Variants in B3GALT1 observed in about 807,000 individuals in gnomAD.
B3GALT1 encodes beta-1,3-galactosyltransferase 1, also known as UDP-Gal:betaGlcNAc beta 1,3-galactosyltransferase, polypeptide 1.
A neutral mutation model predicts 23.2 loss-of-function variants in B3GALT1; 10 were observed. That is an observed-to-expected ratio of 0.43 (90% CI 0.27 to 0.73). The LOEUF is 0.73. Among genes scored for constraint, B3GALT1 ranks in the 30% least tolerant of loss-of-function variants. The pLI is 0.21. For synonymous variants in B3GALT1, 156 were observed against 141.5 expected (o/e 1.10, Z -0.73); for missense variants, 299 against 405.4 (o/e 0.74, Z 2.25).
chr2:167,418,778 C>T (rs1471980861), intron 1 of B3GALT1, among the ~76,000 whole-genome samples: 6 of 151,934 alleles, frequency 3.9e-5, no homozygotes, highest in Non-Finnish European at 5.9e-5. Context: ...CTCAGGCAGT[C>T]CGCCTGCTTT....
chr2:167,743,627 T>G (rs1450652994), intron 3 of B3GALT1, among the ~76,000 whole-genome samples: 3 of 152,124 alleles, frequency 2.0e-5, no homozygotes, highest in Non-Finnish European at 4.4e-5. Flanking sequence ...AATATGTTTC[T>G]CTTTATTTTG....
chr2:167,399,258 T>G (rs1170378284), intron 1 of B3GALT1, among the ~76,000 whole-genome samples: 1 of 152,110 alleles, frequency 6.6e-6, no homozygotes, highest in Admixed American at 6.6e-5. Flanking sequence ...GAAAACATCT[T>G]CAAAACATGT....
At chr2:167,586,369 G>A (rs1422308848) in intron 2 of B3GALT1, among the ~76,000 whole-genome samples, 1 of 151,958 alleles carries the variant, frequency 6.6e-6, no homozygotes, top group Non-Finnish European at 1.5e-5. Context: ...GCACGATCTC[G>A]GCTCACTGCA....
At chr2:167,744,148 A>G (rs1203406866) in intron 3 of B3GALT1, among the ~76,000 whole-genome samples, 2 of 152,134 alleles carry the variant, frequency 1.3e-5, no homozygotes, top group East Asian at 1.9e-4. Flanking sequence ...ATGGCTTACT[A>G]TGTGAATAAT....
At chr2:167,741,981 A>G (rs1009836330) in intron 3 of B3GALT1, among the ~76,000 whole-genome samples, 5 of 151,872 alleles carry the variant, frequency 3.3e-5, no homozygotes, top group African/African-American at 9.7e-5. Context: ...TGAACTTTCA[A>G]TTTGCCCTTA....
At chr2:167,411,862 G>A (rs1241641634) in intron 1 of B3GALT1, among the ~76,000 whole-genome samples, 1 of 152,170 alleles carries the variant, frequency 6.6e-6, no homozygotes, top group Non-Finnish European at 1.5e-5. Flanking sequence ...AGAATGGAAT[G>A]TTATGCAGCC....
At chr2:167,552,870 G>A (rs1255704043) in intron 2 of B3GALT1, among the ~76,000 whole-genome samples, 3 of 152,132 alleles carry the variant, frequency 2.0e-5, no homozygotes, top group Non-Finnish European at 2.9e-5. Context: ...ATCATACAGT[G>A]CATCCCATCT....
At chr2:167,591,879 A>G (rs752558026) in intron 2 of B3GALT1, among the ~76,000 whole-genome samples, 14 of 152,274 alleles carry the variant, frequency 9.2e-5, no homozygotes, top group African/African-American at 2.9e-4. Flanking sequence ...AGCTATTTCC[A>G]TGACCCAAAG....
intron 3 of B3GALT1, among the ~76,000 whole-genome samples, chr2:167,713,281 C>A (rs1004463761): frequency 3.3e-5 from 5 of 152,072 alleles, no homozygotes; most frequent in Admixed American, 6.5e-5. Flanking sequence ...TAAGGCATTA[C>A]GAAGGTTTTC....
chr2:167,364,962 T>C (rs1401139239), intron 1 of B3GALT1, among the ~76,000 whole-genome samples: 1 of 152,206 alleles, frequency 6.6e-6, no homozygotes, highest in Non-Finnish European at 1.5e-5. Flanking sequence ...TTCTTATAAA[T>C]GATTTATTGG....
At chr2:167,709,414 C>T (rs779434966) in intron 3 of B3GALT1, among the ~76,000 whole-genome samples, 3 of 152,168 alleles carry the variant, frequency 2.0e-5, no homozygotes, top group Admixed American at 1.3e-4. Context: ...AAGAAATAAA[C>T]CTTTAATAAA....
chr2:167,536,505 C>T (rs1023080007), intron 2 of B3GALT1, among the ~76,000 whole-genome samples: 1 of 152,114 alleles, frequency 6.6e-6, no homozygotes, highest in Non-Finnish European at 1.5e-5. Context: ...CATAAATGTA[C>T]GATCTTATTC....
chr2:167,723,821 G>A (rs1011753403), intron 3 of B3GALT1, among the ~76,000 whole-genome samples: 4 of 152,052 alleles, frequency 2.6e-5, no homozygotes, highest in Admixed American at 2.6e-4. Context: ...TTAAGCCACC[G>A]TGCCTGACCC....
At chr2:167,592,989 T>C (rs13426755) in intron 2 of B3GALT1, among the ~76,000 whole-genome samples, 11,209 of 152,144 alleles carry the variant, frequency 0.074, 838 homozygotes, top group African/African-American at 0.19. Flanking sequence ...ACAGAAGTTG[T>C]GGGGAGGGAG....
chr2:167,346,115 T>G (rs1379018192), intron 1 of B3GALT1, among the ~76,000 whole-genome samples: 1 of 151,998 alleles, frequency 6.6e-6, no homozygotes, highest in Non-Finnish European at 1.5e-5. Flanking sequence ...AATAAATATA[T>G]TTTACACTTT....
intron 2 of B3GALT1, among the ~76,000 whole-genome samples, chr2:167,565,152 A>AACAGAG (rs1684130305): frequency 6.6e-6 from 1 of 152,228 alleles, no homozygotes; most frequent in Non-Finnish European, 1.5e-5. Context: ...CTGGTACCAA[A>AACAGAG]ACAGAGATAT....
intron 3 of B3GALT1, among the ~76,000 whole-genome samples, chr2:167,814,592 T>C (rs1251330036): frequency 6.6e-6 from 1 of 151,924 alleles, no homozygotes; most frequent in Non-Finnish European, 1.5e-5. Context: ...AAATCCCGTC[T>C]CTACTAAAAA....
intron 1 of B3GALT1, among the ~76,000 whole-genome samples, chr2:167,368,704 A>G (rs1697629931): frequency 6.6e-6 from 1 of 152,262 alleles, no homozygotes; most frequent in East Asian, 1.9e-4. Flanking sequence ...TTAAAACGTT[A>G]TATGATTCAC....
intron 1 of B3GALT1, among the ~76,000 whole-genome samples, chr2:167,324,218 T>C (rs1696855369): frequency 6.6e-6 from 1 of 152,110 alleles, no homozygotes; most frequent in Admixed American, 6.5e-5. Context: ...CTATAGGGTA[T>C]GGGCCAAAAT....
Sources: allele counts gnomAD v4.1 joint callset (sites outside exome capture counted in the v4.1 genomes callset), GRCh38; gene constraint gnomAD v4.1.1; transcripts MANE v1.5; gene names NCBI Gene and HGNC (gene_info 2026-07-23, HGNC 2026-07-21).